ATXN7L1: variants seen among roughly 807,000 people sequenced by gnomAD.
ATXN7L1 encodes the protein ataxin 7 like 1, also known as ataxin-7-like protein 1.
A neutral mutation model predicts 70.8 loss-of-function variants in ATXN7L1; 15 were observed. The ratio of observed to expected loss-of-function variants is 0.21; its 90% CI spans 0.14 to 0.33. The LOEUF (loss-of-function observed/expected upper bound fraction) is 0.33, where lower values mean the gene tolerates loss of function less well. Ranked by LOEUF, ATXN7L1 falls within the 10% of genes least tolerant of loss-of-function variation. The pLI, the probability that ATXN7L1 is intolerant of heterozygous loss-of-function variation, is 1.00. For missense variants in ATXN7L1, 975 were observed against 1,097.1 expected (o/e 0.89, Z 1.57); for synonymous variants, 440 against 445.1 (o/e 0.99, Z 0.14).
chr7:105,696,727 T>C (rs565558649), intron 3 of ATXN7L1, among the ~76,000 whole-genome samples: 23 of 152,354 alleles, frequency 1.5e-4, no homozygotes, highest in Admixed American at 6.5e-4. Flanking sequence ...GTTTTGCTAA[T>C]GCAGACAGAG....
chr7:105,876,362 G>T lies in ATXN7L1; in HGVS notation c.181+16C>A. On this transcript the variant is annotated intron_variant, in intron 1 of 11. Transcript: ENST00000419735. ...TACAGGATAATAAAAGGAGGAGGAG[G>T]TGGTGGGGTTCTTACTGTCGGAGCA... 6.3e-7 allele frequency: 1 copy of T among 1,586,060 alleles called. No individual in the cohort carries two copies. The highest frequency in any genetic ancestry group is 1.1e-5 in the South Asian group (1 of 87,510).
intron 3 of ATXN7L1, among the ~76,000 whole-genome samples, chr7:105,764,586 CTGA>C (rs1259235502): frequency 6.6e-6 from 1 of 152,180 alleles, no homozygotes; most frequent in Non-Finnish European, 1.5e-5. Context: ...AAGCTATTGA[CTGA>C]ATACCCACTA....
chr7:105,796,559 C>G (rs1276799665), intron 2 of ATXN7L1, among the ~76,000 whole-genome samples: 1 of 152,054 alleles, frequency 6.6e-6, no homozygotes, highest in Non-Finnish European at 1.5e-5. Flanking sequence ...CTTCTGCTTA[C>G]ATGAACTCAG....
chr7:105,614,132 G>T lies in ATXN7L1; in HGVS notation c.2202C>A (p.Gly734=). 2 of 1,551,608 alleles carry T rather than the reference G, an allele frequency of 1.3e-6. No individual in the cohort carries two copies. ...AGGAGTCACTGCTGCCTCCCACCGC[G>T]CCCACCTGTCTCACTATGTCCGCGG... is the stretch of plus-strand genomic sequence containing the variant. ...GGPADIVRQV[G]AVGGSSDSCP... The change falls in exon 10 of 12, where the codon GGC becomes GGA. Residue 734 remains glycine (G), a synonymous_variant. Coordinates refer to ENST00000419735, the MANE Select transcript of ATXN7L1 (RefSeq NM_020725.2). This position sits in a 1 kb window ranked among gnomAD's most constrained non-coding sequence, Gnocchi z 4.3.
Position 105,606,092 on chromosome 7 carries a change from A to G in ATXN7L1, c.*1760T>C, listed in dbSNP as rs1409055061. 1 of 152,024 alleles carries G rather than the reference A, an allele frequency of 6.6e-6. No homozygotes were observed. The highest frequency in any genetic ancestry group is 1.5e-5 in the Non-Finnish European group (1 of 68,018). 9.4% of individuals were successfully genotyped at this position (152,024 alleles called of 1,614,324 possible). A position where few individuals can be genotyped will look rare whatever the true frequency, so the allele number is the denominator to read the frequency against. On this transcript the variant is annotated 3_prime_UTR_variant, in exon 12 of 12. Transcript: ENST00000419735. ...AGAAAAAGTAACAATCATCCCTTCA[A>G]TTTGCAGTCTCTTTTCCCAAGACGT... is the stretch of plus-strand genomic sequence containing the variant.
At chr7:105,803,341 G>A (rs1807094842) in intron 2 of ATXN7L1, among the ~76,000 whole-genome samples, 1 of 152,242 alleles carries the variant, frequency 6.6e-6, no homozygotes, top group Non-Finnish European at 1.5e-5. Context: ...AGCTCCCCTG[G>A]GAGCGTGGCC....
Position 105,714,699 on chromosome 7 carries a change from G to C in ATXN7L1, c.356-49411C>G, listed in dbSNP as rs187098864. Among the ~76,000 whole-genome samples, 20 of 152,254 alleles carry C rather than the reference G, an allele frequency of 1.3e-4. No individual in the cohort carries two copies. The East Asian group carries it at 3.5e-3, about 26-fold the overall frequency. On this transcript the variant is annotated intron_variant, in intron 3 of 11. Transcript: ENST00000419735. Reference sequence around the variant, plus strand: ...TTTGTTTTTGAGACAGTCTCGCTCTGTCGCCCACGCTGGAGTGCAGTGGCA... The same window carrying C: ...TTTGTTTTTGAGACAGTCTCGCTCTCTCGCCCACGCTGGAGTGCAGTGGCA...
intron 2 of ATXN7L1, among the ~76,000 whole-genome samples, chr7:105,842,773 C>T (rs1045807899): frequency 9.2e-5 from 14 of 152,336 alleles, no homozygotes; most frequent in African/African-American, 3.4e-4. Flanking sequence ...TGCCGAACTG[C>T]TTTCCACAGT....
chr7:105,786,426 C>T lies in ATXN7L1; in HGVS notation c.355+2178G>A, dbSNP rs115050149. 3.8e-3 allele frequency among the ~76,000 whole-genome samples: 580 copies of T among 152,240 alleles called. 3 individuals carry two copies. The highest frequency in any genetic ancestry group is 0.013 in the African/African-American group (525 of 41,550). On this transcript the variant is annotated intron_variant, in intron 3 of 11. Transcript: ENST00000419735. ...CTGGGAAGAACTCTGCAGGGGACAG[C>T]GGGGTCCCATGTTTTGGGTCCCTTT...
chr7:105,755,215 CAG>C (rs1799668616), intron 3 of ATXN7L1, among the ~76,000 whole-genome samples: 1 of 137,846 alleles, frequency 7.3e-6, no homozygotes. Context: ...CTGAATTTAA[CAG>C]GGAAAAAAAC....
intron 2 of ATXN7L1, among the ~76,000 whole-genome samples, chr7:105,829,192 C>T (rs57861293): frequency 0.012 from 1,891 of 152,216 alleles, 18 homozygotes; most frequent in Non-Finnish European, 0.014. Flanking sequence ...GAGGCTGAGG[C>T]GGGTGGATCA....
Position 105,613,866 on chromosome 7 carries a change from C to T in ATXN7L1, c.2468G>A (p.Arg823Gln), listed in dbSNP as rs373155969. The T allele has an allele frequency of 1.9e-5, 29 of 1,551,790 alleles. No homozygotes were observed. Among genetic ancestry groups the T allele is most frequent in the Admixed American group, 9.8e-5 (5 of 50,990 alleles). ...VPDPVNSTSS[R>Q]QVGKNSSLAL... Reference sequence around the variant, plus strand: ...CGGTGCCAGGAGGTCCCTTACCTGCCGAGAGGAGGTGCTGTTAACGGGATC... The same window carrying T: ...CGGTGCCAGGAGGTCCCTTACCTGCTGAGAGGAGGTGCTGTTAACGGGATC... The change falls in exon 10 of 12, where the codon CGG becomes CAG. Residue 823 changes from arginine to glutamine, a missense_variant. Arg to Gln is a conservative substitution (Grantham distance 43). This residue lies in a region of ATXN7L1 where 635 missense variants were observed against 699.4 expected (regional missense o/e 0.91). Transcript: ENST00000419735.
At position 105,778,535 on chromosome 7, in the gene ATXN7L1, A is replaced by ACAAAAAAAAAC. The variant is rs1563085254; in HGVS notation, c.355+10068_355+10069insGTTTTTTTTTG. ...CAAAAAAAAAAAAAAAAAAAAAAAA[A>ACAAAAAAAAAC]CAAAGACTAAATAATCCTAAAGTTA... On this transcript the variant is annotated intron_variant, in intron 3 of 11. Transcript: ENST00000419735. Among the ~76,000 whole-genome samples the ACAAAAAAAAAC allele has an allele frequency of 1.3e-4, 19 of 146,808 alleles. 2 individuals carry two copies. The highest frequency in any genetic ancestry group is 1.6e-4 in the Non-Finnish European group (11 of 66,826).
intron 7 of ATXN7L1, among the ~76,000 whole-genome samples, chr7:105,629,633 A>AGG (rs1796282789): frequency 6.6e-6 from 1 of 151,012 alleles, no homozygotes; most frequent in Non-Finnish European, 1.5e-5. Context: ...CTCCTGCCTC[A>AGG]GCCTCCTGCG....
At chr7:105,808,577 C>G (rs1440206480) in intron 2 of ATXN7L1, among the ~76,000 whole-genome samples, 1 of 152,186 alleles carries the variant, frequency 6.6e-6, no homozygotes, top group African/African-American at 2.4e-5. Flanking sequence ...GAAAAATCAG[C>G]ACCTAAAATG....
chr7:105,708,851 A>G (rs1308843043), intron 3 of ATXN7L1, among the ~76,000 whole-genome samples: 1 of 151,256 alleles, frequency 6.6e-6, no homozygotes, highest in Non-Finnish European at 1.5e-5. Flanking sequence ...TCACAAAACC[A>G]TAGTCACGCG....
At chr7:105,718,429 TGG>T (rs1214362528) in intron 3 of ATXN7L1, among the ~76,000 whole-genome samples, 3 of 152,206 alleles carry the variant, frequency 2.0e-5, no homozygotes, top group Non-Finnish European at 2.9e-5. Flanking sequence ...ACCTTCAGGA[TGG>T]GCAGGATTAA....
At chr7:105,786,611 G>T (rs1049316607) in intron 3 of ATXN7L1, among the ~76,000 whole-genome samples, 1 of 152,082 alleles carries the variant, frequency 6.6e-6, no homozygotes, top group Non-Finnish European at 1.5e-5. Context: ...ACCTCGAACT[G>T]CTGGGCTCAA....
intron 4 of ATXN7L1, among the ~76,000 whole-genome samples, chr7:105,647,823 G>A (rs1799276855): frequency 6.6e-6 from 1 of 152,210 alleles, no homozygotes; most frequent in Non-Finnish European, 1.5e-5. Flanking sequence ...TCTCTTTGGT[G>A]ACACTTCTTC....
Sources: allele counts gnomAD v4.1 joint callset (sites outside exome capture counted in the v4.1 genomes callset), GRCh38; gene constraint gnomAD v4.1.1; regional missense constraint gnomAD v4.1.1; non-coding constraint Gnocchi (gnomAD v3.1); transcripts MANE v1.5; gene names NCBI Gene and HGNC (gene_info 2026-07-23, HGNC 2026-07-21).